Variants in CERCAM observed in about 807,000 individuals in gnomAD.
The protein encoded by CERCAM is cerebral endothelial cell adhesion molecule.
A neutral mutation model predicts 66.0 loss-of-function variants in CERCAM; 59 were observed. The observed-to-expected ratio is 0.89, with a 90% confidence interval of 0.73 to 1.11. The LOEUF is 1.11. Ranked by LOEUF, CERCAM falls within the 50% of genes most tolerant of loss-of-function variation. CERCAM has a pLI of 0.00. For synonymous variants in CERCAM, 318 were observed against 343.6 expected (o/e 0.93, Z 0.83); for missense variants, 840 against 828.3 (o/e 1.01, Z -0.17).
At chr9:128,426,083 C>T (rs547273278) in intron 5 of CERCAM, among the ~76,000 whole-genome samples, 159 of 152,074 alleles carry the variant, frequency 1.0e-3, no homozygotes, top group African/African-American at 3.7e-3. Flanking sequence ...CAATTACAGG[C>T]GTGAGCCACC....
chr9:128,428,238 C>G, intron 5 of CERCAM, 64 bp from the exon 6 acceptor site: 1 of 1,582,642 alleles, frequency 6.3e-7, no homozygotes. Context: ...GGGCCTAGGA[C>G]CTTTCAGCTG....
In CERCAM at chr9:128,425,174, A is replaced by T. The variant is rs1833814399; in HGVS notation, c.766+560A>T. Among the ~76,000 whole-genome samples, 5 of 151,792 alleles carry T rather than the reference A, an allele frequency of 3.3e-5. 1 individual carries two copies. Among genetic ancestry groups the T allele is most frequent in the Admixed American group, 3.3e-4 (5 of 15,236 alleles). ...CGGGTTCAAGCCATTCTCCTGCCTCAGCCTCCCGAGTAGCTGGGACTACAG... is the reference window on the plus strand; with the variant it reads ...CGGGTTCAAGCCATTCTCCTGCCTCTGCCTCCCGAGTAGCTGGGACTACAG... On this transcript the variant is annotated intron_variant, in intron 5 of 12. Transcript: ENST00000372838.
intron 5 of CERCAM, 81 bp from the exon 6 acceptor site, chr9:128,428,221 C>T (rs1470384301): frequency 2.0e-6 from 3 of 1,499,938 alleles, no homozygotes; most frequent in East Asian, 4.7e-5. Flanking sequence ...GGGTCACTGG[C>T]AGTGCTGGGC....
At position 128,434,600 on chromosome 9, in the gene CERCAM, G is replaced by A. The variant is rs371211758; in HGVS notation, c.1522G>A (p.Asp508Asn). 11 of 1,605,636 alleles carry A rather than the reference G, an allele frequency of 6.9e-6. No homozygotes were observed. The East Asian group carries it at 8.9e-5, about 13-fold the overall frequency. Reference protein sequence around the residue: ...PVDEFLPIMFDQHPNEQYKAH... With the variant: ...PVDEFLPIMFNQHPNEQYKAH... ...GGACGAGTTCCTGCCCATCATGTTC[G>A]ACCAGCACCCCAAGTGAGGCTCTGA... The change falls in exon 11 of 13, where the codon GAC (aspartate) becomes AAC (asparagine). Residue 508 changes from aspartate (D) to asparagine (N), a missense_variant. Transcript: ENST00000372838. This position sits in a 1 kb window ranked among gnomAD's most constrained non-coding sequence, Gnocchi z 4.5.
intron 12 of CERCAM, 112 bp downstream of exon 12, chr9:128,436,017 T>A: frequency 8.7e-7 from 1 of 1,145,286 alleles, no homozygotes. Flanking sequence ...TCTCTCTCCC[T>A]CTCCATCTCT....
chr9:128,433,926 G>C (rs1351260640), intron 9 of CERCAM, among the ~76,000 whole-genome samples, 176 bp from the exon 10 acceptor site: 3 of 152,248 alleles, frequency 2.0e-5, no homozygotes, highest in Admixed American at 6.5e-5. Flanking sequence ...ATCCTCAAAT[G>C]CCAGAGCGAG....
In CERCAM at chr9:128,434,400, T is replaced by C. The variant is rs182483042; in HGVS notation, c.1332-10T>C. On this transcript the variant is annotated splice_polypyrimidine_tract_variant and intron_variant, in intron 10 of 12. Coordinates refer to ENST00000372838, the MANE Select transcript of CERCAM (RefSeq NM_016174.5). The surrounding 1 kb of genome is among the most constrained non-coding windows in gnomAD (Gnocchi z 4.5). ...TAAGTGACTCCTGGGCCCCTTGGTG[T>C]CACTTACAGCTACCTCGGACGGAAG... The C allele has an allele frequency of 6.2e-7, 1 of 1,613,662 alleles. No homozygotes were observed. The highest frequency in any genetic ancestry group is 2.2e-5 in the East Asian group (1 of 44,854).
intron 8 of CERCAM, 30 bp from the exon 9 acceptor site, chr9:128,431,141 C>A (rs769073754): frequency 8.7e-6 from 14 of 1,609,368 alleles, no homozygotes; most frequent in Admixed American, 5.0e-5. Flanking sequence ...TGGCAGGCAC[C>A]CCTCACCCCG....
chr9:128,427,764 CAAAA>C (rs879285710), intron 5 of CERCAM: 6 of 128,320 alleles, frequency 4.7e-5, no homozygotes, highest in Admixed American at 8.0e-5. Flanking sequence ...GACTCCATCT[CAAAA>C]AAAAAAAAAA....
At position 128,428,282 on chromosome 9, in the gene CERCAM, C is replaced by CACTCA; in HGVS notation, c.767-19_767-15dup. 6.2e-7 allele frequency: 1 copy of CACTCA among 1,612,784 alleles called. No homozygotes were observed. Among genetic ancestry groups the CACTCA allele is most frequent in the Non-Finnish European group, 8.5e-7 (1 of 1,179,222 alleles). ...GAGCCCCACCCTCCACTGCAGCTCTCACTCAGCCTGTCTCTGCAGGGGTCT... is the reference window on the plus strand; with the variant it reads ...GAGCCCCACCCTCCACTGCAGCTCTCACTCAACTCAGCCTGTCTCTGCAGGGGTCT... On this transcript the variant is annotated intron_variant, in intron 5 of 12. Transcript: ENST00000372838.
intron 5 of CERCAM, among the ~76,000 whole-genome samples, 185 bp downstream of exon 5, chr9:128,424,799 T>C (rs1471837716): frequency 6.6e-6 from 1 of 150,806 alleles, no homozygotes; most frequent in East Asian, 1.9e-4. Flanking sequence ...CTCGGCTCAC[T>C]GCAAACTCTG....
intron 11 of CERCAM, among the ~76,000 whole-genome samples, chr9:128,435,323 G>A (rs1401995410): frequency 6.6e-6 from 1 of 152,082 alleles, no homozygotes; most frequent in Non-Finnish European, 1.5e-5. Flanking sequence ...TAGTAGAGAT[G>A]GGGTTTTGCC....
intron 8 of CERCAM, 192 bp from the exon 9 acceptor site, chr9:128,430,979 A>G: frequency 1.6e-6 from 1 of 636,904 alleles, no homozygotes; most frequent in Admixed American, 2.6e-5. Context: ...ACTGCACTCC[A>G]GCCTGGGCAA....
At position 128,434,031 on chromosome 9, in the gene CERCAM, G is replaced by A. The variant is rs527387081; in HGVS notation, c.1204-71G>A. The A allele has an allele frequency of 3.9e-4, 618 of 1,575,684 alleles. 2 individuals carry two copies. The African/African-American group carries it at 7.7e-3, about 20-fold the overall frequency. On this transcript the variant is annotated intron_variant, in intron 9 of 12. Transcript: ENST00000372838. This position sits in a 1 kb window ranked among gnomAD's most constrained non-coding sequence, Gnocchi z 4.5. Reference sequence around the variant, plus strand: ...CCAACTGAGGCCAGGCAGAGGCTGTGAGCTTCAGCGTGGAGGGAGGGGGGT... The same window carrying A: ...CCAACTGAGGCCAGGCAGAGGCTGTAAGCTTCAGCGTGGAGGGAGGGGGGT...
chr9:128,434,409 G>T lies in CERCAM; in HGVS notation c.1332-1G>T, dbSNP rs1834056570. ...CCTGGGCCCCTTGGTGTCACTTACA[G>T]CTACCTCGGACGGAAGCAGGTGAAC... On this transcript the variant is annotated splice_acceptor_variant, in intron 10 of 12. Coordinates refer to ENST00000372838, the MANE Select transcript of CERCAM (RefSeq NM_016174.5). LOFTEE classifies it high-confidence loss of function. This position sits in a 1 kb window ranked among gnomAD's most constrained non-coding sequence, Gnocchi z 4.5. 6.2e-7 allele frequency: 1 copy of T among 1,613,784 alleles called. No individual in the cohort carries two copies. The highest frequency in any genetic ancestry group is 1.3e-5 in the African/African-American group (1 of 74,910).
chr9:128,426,170 C>T (rs190669478), intron 5 of CERCAM, among the ~76,000 whole-genome samples: 1 of 152,242 alleles, frequency 6.6e-6, no homozygotes, highest in Non-Finnish European at 1.5e-5. Context: ...CCTGTAGTCC[C>T]AGCTTCCTGG....
chr9:128,421,113 C>A, intron 1 of CERCAM, 39 bp downstream of exon 1: 1 of 1,267,462 alleles, frequency 7.9e-7, no homozygotes, highest in Non-Finnish European at 9.9e-7. Context: ...GGGCACCTAA[C>A]CCCCAGCTTC....
chr9:128,425,515 C>CTT (rs1227487963), intron 5 of CERCAM, among the ~76,000 whole-genome samples: 5 of 142,436 alleles, frequency 3.5e-5, no homozygotes, highest in Non-Finnish European at 1.5e-5. Flanking sequence ...CTTTTCTGCC[C>CTT]TTTTTTTTTT....
intron 1 of CERCAM, 96 bp downstream of exon 1, chr9:128,421,170 C>G (rs930155846): frequency 1.0e-5 from 13 of 1,254,912 alleles, no homozygotes; most frequent in Middle Eastern, 3.0e-4. Context: ...GCTCCCTGCC[C>G]AGACACCACC....
Sources: allele counts gnomAD v4.1 joint callset (sites outside exome capture counted in the v4.1 genomes callset), GRCh38; gene constraint gnomAD v4.1.1; non-coding constraint Gnocchi (gnomAD v3.1); transcripts MANE v1.5; gene names NCBI Gene and HGNC (gene_info 2026-07-23, HGNC 2026-07-21).